KCNAB2: variants seen among roughly 807,000 people sequenced by gnomAD.
KCNAB2 encodes the protein voltage-gated potassium channel subunit beta-2.
In KCNAB2, 29 loss-of-function variants were observed where a neutral mutation model predicts 63.6. The ratio of observed to expected loss-of-function variants is 0.46; its 90% CI spans 0.34 to 0.62. The LOEUF (loss-of-function observed/expected upper bound fraction) is 0.62, where lower values mean the gene tolerates loss of function less well. Among genes scored for constraint, KCNAB2 ranks in the 20% least tolerant of loss-of-function variants. KCNAB2 has a pLI of 0.01. For missense variants in KCNAB2, 359 were observed against 563.9 expected, an observed-to-expected ratio of 0.64 and a Z score of 3.68; for synonymous variants, 222 against 224.2, an observed-to-expected ratio of 0.99 and a Z score of 0.09.
upstream of KCNAB2, among the ~76,000 whole-genome samples, chr1:6,029,621 G>C (rs530788827): frequency 6.6e-6 from 1 of 152,136 alleles, no homozygotes; most frequent in Non-Finnish European, 1.5e-5. Flanking sequence ...TGCAGCCCCC[G>C]CTGCACACCC....
At chr1:6,094,340 C>A in intron 10 of KCNAB2, 60 bp from the exon 11 acceptor site, 1 of 1,318,974 alleles carries the variant, frequency 7.6e-7, no homozygotes, top group Non-Finnish European at 1.1e-6. Flanking sequence ...CAGAATGTCC[C>A]GAGGCTGGCC....
intron 1 of KCNAB2, among the ~76,000 whole-genome samples, chr1:6,023,586 G>C (rs558619891): frequency 1.3e-5 from 2 of 152,272 alleles, no homozygotes; most frequent in Admixed American, 1.3e-4. Flanking sequence ...TTAGCCATTT[G>C]TGTCTTGTCT....
At position 6,100,090 on chromosome 1, in the gene KCNAB2, C is replaced by A. The variant is rs1186809920; in HGVS notation, c.*1516C>A. ...TGCAGGCACCTCTGTTCCCGCTTTG[C>A]CCCTGGAGGAGCCACTATTCCAGAA... On this transcript the variant is annotated 3_prime_UTR_variant, in exon 16 of 16. Coordinates refer to ENST00000378083, the MANE Select transcript of KCNAB2 (RefSeq NM_001199862.2). The A allele has an allele frequency of 1.4e-6, 2 of 1,450,524 alleles. No homozygotes were observed. Among genetic ancestry groups the A allele is most frequent in the African/African-American group, 2.9e-5 (2 of 69,820 alleles). The allele number at this position is 1,450,524 out of a possible 1,614,324, so 89.9% of individuals were successfully genotyped here.
At chr1:6,066,251 G>A (rs1057144842) in intron 2 of KCNAB2, among the ~76,000 whole-genome samples, 78 of 152,224 alleles carry the variant, frequency 5.1e-4, no homozygotes, top group African/African-American at 1.8e-3. Context: ...TGACACCAGC[G>A]TGAAGCAGCA....
upstream of KCNAB2, chr1:6,041,766 C>T: frequency 6.9e-7 from 1 of 1,449,776 alleles, no homozygotes; most frequent in African/African-American, 1.4e-5. Context: ...GGGTTGATGC[C>T]AACTGTGGAC....
Position 6,091,236 on chromosome 1 carries a change from C to T in KCNAB2, c.602-27C>T, listed in dbSNP as rs552316358. On this transcript the variant is annotated intron_variant, in intron 9 of 15. Transcript: ENST00000378083. Reference sequence around the variant, plus strand: ...AGTGCTCCCAGCTATCAACTCTGGTCTCTTTAAATCTTTCTTCTATCACCA... The same window carrying T: ...AGTGCTCCCAGCTATCAACTCTGGTTTCTTTAAATCTTTCTTCTATCACCA... 16 of 1,512,844 alleles carry T rather than the reference C, an allele frequency of 1.1e-5. No homozygotes were observed. In the African/African-American group the frequency reaches 2.1e-4, roughly 20 times the overall value. The allele number at this position is 1,512,844 out of a possible 1,614,324, so 93.7% of individuals were successfully genotyped here.
intron 2 of KCNAB2, among the ~76,000 whole-genome samples, chr1:6,055,324 A>G (rs1661720103): frequency 6.7e-6 from 1 of 149,948 alleles, no homozygotes. Context: ...CTCGCTTCTC[A>G]GGGAGTGGAG....
intron 1 of KCNAB2, among the ~76,000 whole-genome samples, chr1:6,000,322 CA>C (rs1048459512): frequency 6.6e-6 from 1 of 152,162 alleles, no homozygotes; most frequent in African/African-American, 2.4e-5. Context: ...ACAGGATGCC[CA>C]AAACAGGACT....
chr1:6,023,574 T>G (rs1243617283), intron 1 of KCNAB2, among the ~76,000 whole-genome samples: 1 of 152,246 alleles, frequency 6.6e-6, no homozygotes, highest in Non-Finnish European at 1.5e-5. Context: ...TTAATGTGTT[T>G]ATTAGCCATT....
chr1:6,064,184 G>A (rs1045896124), intron 2 of KCNAB2, among the ~76,000 whole-genome samples: 5 of 152,206 alleles, frequency 3.3e-5, no homozygotes, highest in African/African-American at 7.2e-5. Flanking sequence ...TGGTAGAAAC[G>A]CCGCCTTCCG....
At chr1:6,027,741 G>A (rs560142392) in intron 1 of KCNAB2, among the ~76,000 whole-genome samples, 2 of 152,268 alleles carry the variant, frequency 1.3e-5, no homozygotes, top group South Asian at 2.1e-4. Context: ...CAAATGCTCC[G>A]TTCGGCAGTC....
intron 1 of KCNAB2, among the ~76,000 whole-genome samples, chr1:6,037,794 A>G (rs750774335): frequency 2.6e-5 from 4 of 151,656 alleles, no homozygotes; most frequent in Non-Finnish European, 5.9e-5. Flanking sequence ...AATCACCCCA[A>G]AGCCAGGTAA....
Position 6,098,617 on chromosome 1 carries a change from A to G in KCNAB2, c.*43A>G. On this transcript the variant is annotated 3_prime_UTR_variant, in exon 16 of 16. Coordinates refer to ENST00000378083, the MANE Select transcript of KCNAB2 (RefSeq NM_001199862.2). The stretch of plus-strand genomic sequence containing the variant: ...GCTCGGACAGTTTCCGTTCCCTCCT[A>G]GTCTCTGTTCGCTCGCTTAAGCTGT... 1 of 1,603,888 alleles carries G rather than the reference A, an allele frequency of 6.2e-7. No homozygotes were observed. Among genetic ancestry groups the G allele is most frequent in the South Asian group, 1.1e-5 (1 of 90,014 alleles).
intron 1 of KCNAB2, among the ~76,000 whole-genome samples, chr1:5,998,089 G>T (rs1657036906): frequency 6.6e-6 from 1 of 152,238 alleles, no homozygotes; most frequent in African/African-American, 2.4e-5. Flanking sequence ...GGCAGAGCTA[G>T]GAAAGGATGG....
chr1:6,021,117 C>G (rs978802632), intron 1 of KCNAB2, among the ~76,000 whole-genome samples: 3 of 152,174 alleles, frequency 2.0e-5, no homozygotes, highest in Non-Finnish European at 4.4e-5. Flanking sequence ...CTCAGCCTCC[C>G]AAGTAGCCTG....
chr1:6,089,864 A>AT (rs555585856), intron 8 of KCNAB2, among the ~76,000 whole-genome samples: 74 of 152,026 alleles, frequency 4.9e-4, no homozygotes, highest in Non-Finnish European at 8.5e-4. Flanking sequence ...CATCTGGTTA[A>AT]TTTTTTTTGT....
Position 6,079,176 on chromosome 1 carries a change from A to G in KCNAB2, c.301-3019A>G, listed in dbSNP as rs367856850. 4.9e-4 allele frequency among the ~76,000 whole-genome samples: 75 copies of G among 152,246 alleles called. 3 individuals are homozygous for G. In the South Asian group the frequency reaches 0.016, roughly 32 times the overall value. On this transcript the variant is annotated intron_variant, in intron 4 of 15. Transcript: ENST00000378083. ...CAGGCTGCCCTCCCTGGCCCACACC[A>G]GCCCCAGGGCCTAGAGTGCCCCTCC...
chr1:6,096,442 C>A lies in KCNAB2; in HGVS notation c.949-194C>A. 1 of 702,922 alleles carries A rather than the reference C, an allele frequency of 1.4e-6. No homozygotes were observed. The highest frequency in any genetic ancestry group is 2.4e-6 in the Non-Finnish European group (1 of 425,444). 43.5% of individuals were successfully genotyped at this position (702,922 alleles called of 1,614,324 possible). On this transcript the variant is annotated intron_variant, in intron 13 of 15. Transcript: ENST00000378083. The surrounding 1 kb of genome is among the most constrained non-coding windows in gnomAD (Gnocchi z 5.9). The stretch of plus-strand genomic sequence containing the variant: ...GGACAGGCCCCGCTCATCCACCAGC[C>A]CGTGCCCGGCCCACTGCCCACTCTC...
intron 15 of KCNAB2, 50 bp downstream of exon 15, chr1:6,097,407 C>T (rs1223817602): frequency 6.5e-7 from 1 of 1,548,438 alleles, no homozygotes; most frequent in Non-Finnish European, 8.7e-7. Flanking sequence ...AGCCCGAGCC[C>T]CGTCCAGTGC....
Sources: gnomAD v4.1 joint callset for allele counts (sites outside exome capture counted in the v4.1 genomes callset) on GRCh38, gnomAD v4.1.1 for gene constraint, Gnocchi (gnomAD v3.1) non-coding constraint, MANE v1.5 for transcripts, NCBI Gene and HGNC (gene_info 2026-07-23, HGNC 2026-07-21) for gene names.